The following PPP3CA variants were observed in gnomAD, a reference collection of about 807,000 sequenced individuals.
PPP3CA encodes CAM-PRP catalytic subunit.
PPP3CA carries 14 observed loss-of-function variants against 66.5 expected under a neutral mutation model. The observed-to-expected ratio is 0.21, with a 90% CI of 0.14 to 0.33. The LOEUF (loss-of-function observed/expected upper bound fraction) is 0.33. PPP3CA is among the 10% of genes least tolerant of loss of function. The pLI is 1.00. For synonymous variants in PPP3CA, 232 were observed against 226.2 expected (o/e 1.03, Z -0.23); for missense variants, 317 against 639.5 (o/e 0.50, Z 5.44).
At chr4:101,087,723 T>G (rs932492247) in intron 6 of PPP3CA, among the ~76,000 whole-genome samples, 1 of 152,172 alleles carries the variant, frequency 6.6e-6, no homozygotes, top group African/African-American at 2.4e-5. Flanking sequence ...TAAATGGATA[T>G]CCGAGTTTTC....
chr4:101,326,102 C>T (rs971949406), intron 1 of PPP3CA, among the ~76,000 whole-genome samples: 7 of 151,846 alleles, frequency 4.6e-5, no homozygotes, highest in African/African-American at 1.2e-4. Flanking sequence ...CACCAATGCA[C>T]GCCAGCATGG....
intron 1 of PPP3CA, among the ~76,000 whole-genome samples, chr4:101,242,124 C>A (rs1726330543): frequency 1.3e-5 from 2 of 151,968 alleles, no homozygotes; most frequent in Admixed American, 1.3e-4. Flanking sequence ...TATAAAAATG[C>A]TTAAAAATGA....
chr4:101,106,443 A>G (rs1425822166), intron 3 of PPP3CA, among the ~76,000 whole-genome samples: 2 of 11,892 alleles, frequency 1.7e-4, no homozygotes, highest in African/African-American at 3.4e-4. Context: ...GAAAGAAAGA[A>G]AGAAAGAAAG....
At chr4:101,306,207 T>C (rs1362975115) in intron 1 of PPP3CA, among the ~76,000 whole-genome samples, 1 of 152,178 alleles carries the variant, frequency 6.6e-6, no homozygotes, top group Non-Finnish European at 1.5e-5. Context: ...CTGTCATTAA[T>C]CTAAGCGCAT....
At chr4:101,252,280 G>A (rs765891593) in intron 1 of PPP3CA, among the ~76,000 whole-genome samples, 8 of 152,088 alleles carry the variant, frequency 5.3e-5, no homozygotes, top group African/African-American at 1.9e-4. Context: ...TGTTAGTCGT[G>A]AAAGAACTAA....
intron 12 of PPP3CA, among the ~76,000 whole-genome samples, chr4:101,030,312 A>AACTT (rs1368003683): frequency 6.6e-6 from 1 of 152,192 alleles, no homozygotes; most frequent in East Asian, 1.9e-4. Flanking sequence ...TGTGCACTAT[A>AACTT]ACTTACTTAC....
intron 13 of PPP3CA, among the ~76,000 whole-genome samples, chr4:101,026,973 A>G (rs1025136779): frequency 1.3e-5 from 2 of 152,252 alleles, no homozygotes; most frequent in African/African-American, 2.4e-5. Flanking sequence ...TGGAATTCTC[A>G]AAGTGGGAAT....
intron 2 of PPP3CA, among the ~76,000 whole-genome samples, chr4:101,184,623 T>C (rs372694113): frequency 2.0e-5 from 3 of 152,210 alleles, no homozygotes; most frequent in Non-Finnish European, 2.9e-5. Flanking sequence ...CTGTTTCTTT[T>C]AAAATTTGTA....
chr4:101,106,398 AAAG>A (rs1560604759), intron 3 of PPP3CA, among the ~76,000 whole-genome samples: 524 of 8,192 alleles, frequency 0.064, 52 homozygotes, highest in African/African-American at 0.15. Flanking sequence ...AGAAAGAAAG[AAAG>A]AAAGAAAGAA....
rs532124552 is a variant in PPP3CA at position 101,090,590 on chromosome 4, C to T, written c.782+3186G>A. ...CCGGGAGGTGGAGGTTGTGGTGAGC[C>T]GAGATCGCACCACTGCACTCCAGCC... is the stretch of plus-strand genomic sequence containing the variant. On this transcript the variant is annotated intron_variant, in intron 6 of 13. Coordinates refer to ENST00000394854, the MANE Select transcript of PPP3CA (RefSeq NM_000944.5). Among the ~76,000 whole-genome samples the T allele has an allele frequency of 1.2e-3, 171 of 142,970 alleles. 1 individual carries two copies. The highest frequency in any genetic ancestry group is 4.2e-3 in the African/African-American group (163 of 38,664). 93.8% of individuals were successfully genotyped at this position (142,970 alleles called of 152,430 possible). A position where few individuals can be genotyped will look rare whatever the true frequency, so the allele number is the denominator to read the frequency against.
At chr4:101,171,211 G>A (rs760366165) in intron 2 of PPP3CA, 2 of 455,974 alleles carry the variant, frequency 4.4e-6, no homozygotes, top group Non-Finnish European at 4.4e-6. Context: ...GTGAATCGGG[G>A]TCATCTGTGG....
At chr4:101,222,830 T>C (rs1335286200) in intron 1 of PPP3CA, among the ~76,000 whole-genome samples, 1 of 151,388 alleles carries the variant, frequency 6.6e-6, no homozygotes, top group African/African-American at 2.4e-5. Context: ...CCAGTATATC[T>C]GATGAAAGCT....
At chr4:101,032,594 G>T (rs187022884) in intron 11 of PPP3CA, among the ~76,000 whole-genome samples, 2 of 152,092 alleles carry the variant, frequency 1.3e-5, no homozygotes, top group South Asian at 2.1e-4. Context: ...AATTAGGGAG[G>T]TTCTGTTTCT....
At chr4:101,154,158 A>G (rs1353588898) in intron 2 of PPP3CA, among the ~76,000 whole-genome samples, 1 of 152,192 alleles carries the variant, frequency 6.6e-6, no homozygotes, top group Non-Finnish European at 1.5e-5. Flanking sequence ...AGAAGAAAAT[A>G]GTTCTATCCT....
At chr4:101,344,988 G>A (rs1304753873) in intron 1 of PPP3CA, among the ~76,000 whole-genome samples, 3 of 152,200 alleles carry the variant, frequency 2.0e-5, no homozygotes, top group Admixed American at 2.0e-4. Flanking sequence ...TTTTGAAAAT[G>A]TCAACAGAAG....
chr4:101,305,053 A>G (rs151299718), intron 1 of PPP3CA, among the ~76,000 whole-genome samples: 21 of 152,336 alleles, frequency 1.4e-4, no homozygotes, highest in African/African-American at 4.8e-4. Context: ...GACCCATTCA[A>G]AGATGCTGGG....
chr4:101,202,122 C>G (rs191421276), intron 1 of PPP3CA, among the ~76,000 whole-genome samples: 144 of 152,236 alleles, frequency 9.5e-4, no homozygotes, highest in African/African-American at 3.4e-3. Flanking sequence ...AATTGTGTCT[C>G]TCTATCCTAA....
intron 1 of PPP3CA, among the ~76,000 whole-genome samples, chr4:101,197,100 A>T (rs1327246664): frequency 6.6e-6 from 1 of 152,196 alleles, no homozygotes; most frequent in Non-Finnish European, 1.5e-5. Flanking sequence ...CATAAACATC[A>T]TCCCATGTAT....
At chr4:101,328,772 T>C (rs545014500) in intron 1 of PPP3CA, among the ~76,000 whole-genome samples, 2 of 152,180 alleles carry the variant, frequency 1.3e-5, no homozygotes, top group Non-Finnish European at 2.9e-5. Context: ...TATTATTGTA[T>C]GTTATGGTAA....
Sources: allele counts gnomAD v4.1 joint callset (sites outside exome capture counted in the v4.1 genomes callset), GRCh38; gene constraint gnomAD v4.1.1; transcripts MANE v1.5; gene names NCBI Gene and HGNC (gene_info 2026-07-23, HGNC 2026-07-21).